Variants in GALNT13 observed in about 807,000 individuals in gnomAD.
GALNT13 encodes polypeptide N-acetylgalactosaminyltransferase 13, also known as UDP-GalNAc:polypeptide N-acetylgalactosaminyltransferase 13.
GALNT13 carries 28 observed loss-of-function variants against 64.2 expected under a neutral mutation model. That is an observed-to-expected ratio of 0.44 (90% CI 0.32 to 0.60). The LOEUF (loss-of-function observed/expected upper bound fraction) is 0.60, where lower values mean the gene tolerates loss of function less well. Ranked by LOEUF, GALNT13 falls within the 20% of genes least tolerant of loss-of-function variation. The probability of loss-of-function intolerance (pLI) is 0.05; values close to 1 mark genes in which losing one functional copy is unlikely to be tolerated. For synonymous variants in GALNT13, 214 were observed against 224.6 expected, an observed-to-expected ratio of 0.95 and a Z score of 0.42; for missense variants, 577 against 669.8, an observed-to-expected ratio of 0.86 and a Z score of 1.53.
chr2:154,275,158 T>C (rs764101302), intron 8 of GALNT13, among the ~76,000 whole-genome samples: 10 of 152,144 alleles, frequency 6.6e-5, no homozygotes, highest in African/African-American at 9.7e-5. Context: ...ATTTGCAGCC[T>C]GTTGATGCAA....
chr2:154,096,155 T>C (rs527635039), intron 3 of GALNT13, among the ~76,000 whole-genome samples: 2 of 152,046 alleles, frequency 1.3e-5, no homozygotes, highest in Admixed American at 6.6e-5. Context: ...GAATTTGAAG[T>C]CTTCCAGTGG....
chr2:154,103,507 G>C (rs889897960), intron 3 of GALNT13, among the ~76,000 whole-genome samples: 1 of 152,094 alleles, frequency 6.6e-6, no homozygotes, highest in Non-Finnish European at 1.5e-5. Context: ...GGGATCCATT[G>C]ATATACAGCT....
chr2:153,549,366 T>C, the GALNT13 span, among the ~76,000 whole-genome samples: 2 of 152,198 alleles, frequency 1.3e-5, no homozygotes, highest in Non-Finnish European at 2.9e-5. Context: ...GAATGCAGTT[T>C]TAAAGGATAG....
chr2:153,810,618 A>C, the GALNT13 span, among the ~76,000 whole-genome samples: 1 of 152,320 alleles, frequency 6.6e-6, no homozygotes, highest in East Asian at 1.9e-4. Flanking sequence ...TAAAGAGATA[A>C]AGGAGCTCTA....
chr2:154,235,583 A>G lies in GALNT13; in HGVS notation c.312-6447A>G, dbSNP rs559479307. On this transcript the variant is annotated intron_variant, in intron 4 of 12. Transcript: ENST00000392825. Reference sequence around the variant, plus strand: ...CTCTTAAAATATATAGAGGACTTGCATTGCAAGTCTTTATTTTAATTAGTG... The same window carrying G: ...CTCTTAAAATATATAGAGGACTTGCGTTGCAAGTCTTTATTTTAATTAGTG... 2.0e-5 allele frequency among the ~76,000 whole-genome samples: 3 copies of G among 152,276 alleles called. No individual in the cohort carries two copies. The East Asian group carries it at 5.8e-4, about 29-fold the overall frequency.
chr2:153,579,808 T>C, the GALNT13 span, among the ~76,000 whole-genome samples: 2 of 152,056 alleles, frequency 1.3e-5, no homozygotes, highest in Admixed American at 6.6e-5. Flanking sequence ...TTGTGAGGGA[T>C]CTAGGTTGTG....
chr2:154,350,149 G>A (rs1696312128), intron 9 of GALNT13, among the ~76,000 whole-genome samples: 1 of 152,184 alleles, frequency 6.6e-6, no homozygotes, highest in South Asian at 2.1e-4. Context: ...TCCTGTGATG[G>A]TTAACATTGA....
At chr2:154,402,986 G>C (rs1433920689) in intron 10 of GALNT13, among the ~76,000 whole-genome samples, 1 of 152,094 alleles carries the variant, frequency 6.6e-6, no homozygotes, top group Non-Finnish European at 1.5e-5. Flanking sequence ...AGATTTGTTT[G>C]TTAAGAATTG....
At chr2:153,787,700 A>G in the GALNT13 span, among the ~76,000 whole-genome samples, 1 of 152,188 alleles carries the variant, frequency 6.6e-6, no homozygotes, top group Non-Finnish European at 1.5e-5. Context: ...AATCACAATA[A>G]AACAATACAA....
the GALNT13 span, among the ~76,000 whole-genome samples, chr2:153,166,937 C>G: frequency 2.6e-5 from 4 of 152,204 alleles, no homozygotes. Context: ...TACCAACAAC[C>G]ATGTGAGTTT....
At chr2:153,175,524 TC>T in the GALNT13 span, among the ~76,000 whole-genome samples, 28 of 152,212 alleles carry the variant, frequency 1.8e-4, no homozygotes, top group Admixed American at 3.3e-4. Context: ...TGAGCCTGGT[TC>T]TTCTGTCTTG....
At chr2:154,143,547 G>C (rs2105589727) in intron 4 of GALNT13, among the ~76,000 whole-genome samples, 1 of 64,044 alleles carries the variant, frequency 1.6e-5, no homozygotes, top group East Asian at 2.3e-3. Context: ...CATAGCCAGT[G>C]ATTTTTTTTT....
rs1388392639 is a variant in GALNT13, at chr2:154,308,794, T to C, written c.1156+7205T>C. ...AGTGCCATGTTATAATAACACATAA[T>C]GCATTATTTGTGTGATGCCCTAAAA... On this transcript the variant is annotated intron_variant, in intron 9 of 12. Transcript: ENST00000392825. Among the ~76,000 whole-genome samples, 2 of 152,172 alleles carry C rather than the reference T, an allele frequency of 1.3e-5. 1 individual carries two copies. The highest frequency in any genetic ancestry group is 4.1e-4 in the South Asian group (2 of 4,828).
the GALNT13 span, among the ~76,000 whole-genome samples, chr2:153,768,110 AT>A: frequency 6.6e-6 from 1 of 152,142 alleles, no homozygotes; most frequent in East Asian, 1.9e-4. Flanking sequence ...TTAATATTCA[AT>A]TTTGTTTATC....
At chr2:154,051,517 C>T (rs1225941748) in intron 3 of GALNT13, among the ~76,000 whole-genome samples, 1 of 151,708 alleles carries the variant, frequency 6.6e-6, no homozygotes, top group African/African-American at 2.4e-5. Flanking sequence ...GTCTCGATCT[C>T]CTGACCTCAT....
intron 9 of GALNT13, among the ~76,000 whole-genome samples, chr2:154,353,238 C>A (rs1017539102): frequency 3.9e-5 from 6 of 152,018 alleles, no homozygotes; most frequent in Admixed American, 2.0e-4. Flanking sequence ...ATTCATGGAA[C>A]CCCTGTATAG....
intron 4 of GALNT13, among the ~76,000 whole-genome samples, chr2:154,213,688 C>T: frequency 6.6e-6 from 1 of 151,224 alleles, no homozygotes. Context: ...GAGATGGTGG[C>T]TGAAACTAAA....
At chr2:153,649,862 G>T in the GALNT13 span, among the ~76,000 whole-genome samples, 9 of 152,240 alleles carry the variant, frequency 5.9e-5, no homozygotes, top group South Asian at 4.1e-4. Flanking sequence ...TTTTACATTT[G>T]CTGAGGAGTG....
chr2:153,636,962 G>C, the GALNT13 span, among the ~76,000 whole-genome samples: 1 of 152,066 alleles, frequency 6.6e-6, no homozygotes, highest in Non-Finnish European at 1.5e-5. Context: ...CAAGGTGATA[G>C]TATGAATTAC....
Sources: allele counts gnomAD v4.1 joint callset (sites outside exome capture counted in the v4.1 genomes callset), GRCh38; gene constraint gnomAD v4.1.1; transcripts MANE v1.5; gene names NCBI Gene and HGNC (gene_info 2026-07-23, HGNC 2026-07-21).